ROR1: variants seen among roughly 807,000 people sequenced by gnomAD.
The protein encoded by ROR1 is inactive tyrosine-protein kinase transmembrane receptor ROR1.
ROR1 carries 19 observed loss-of-function variants against 78.8 expected under a neutral mutation model. That is an observed-to-expected ratio of 0.24 (90% confidence interval 0.17 to 0.35). The LOEUF (loss-of-function observed/expected upper bound fraction) is 0.35, where lower values mean the gene tolerates loss of function less well. ROR1 is among the 10% of genes least tolerant of loss of function. ROR1 has a pLI of 1.00. For missense variants in ROR1, 917 were observed against 1,177.8 expected (o/e 0.78, Z 3.24); for synonymous variants, 386 against 433.6 (o/e 0.89, Z 1.36).
chr1:64,119,848 G>A (rs1486548293), intron 4 of ROR1, among the ~76,000 whole-genome samples: 1 of 152,150 alleles, frequency 6.6e-6, no homozygotes, highest in East Asian at 1.9e-4. Context: ...GGGTAAGAAA[G>A]GGCAGAGCTA....
At chr1:63,860,283 G>A (rs1469434053) in intron 1 of ROR1, among the ~76,000 whole-genome samples, 1 of 152,096 alleles carries the variant, frequency 6.6e-6, no homozygotes, top group Non-Finnish European at 1.5e-5. Flanking sequence ...TGTGTGGGAA[G>A]GTGGTTAACT....
intron 1 of ROR1, among the ~76,000 whole-genome samples, chr1:63,998,877 C>T (rs1190490671): frequency 2.0e-5 from 3 of 152,088 alleles, no homozygotes; most frequent in Admixed American, 6.6e-5. Flanking sequence ...ATCGTGGGGA[C>T]GGTTTCCCCT....
chr1:64,128,446 G>A (rs1340599572), intron 4 of ROR1, among the ~76,000 whole-genome samples: 1 of 152,126 alleles, frequency 6.6e-6, no homozygotes, highest in Admixed American at 6.5e-5. Flanking sequence ...TCCAGCCTAG[G>A]TGACAGAGTG....
At chr1:64,122,489 G>C (rs1185524583) in intron 4 of ROR1, among the ~76,000 whole-genome samples, 1 of 152,192 alleles carries the variant, frequency 6.6e-6, no homozygotes, top group Non-Finnish European at 1.5e-5. Flanking sequence ...TCCTTCAGCA[G>C]TCATGTACTG....
intron 4 of ROR1, among the ~76,000 whole-genome samples, chr1:64,053,821 T>C (rs1049636982): frequency 6.6e-6 from 1 of 152,344 alleles, no homozygotes; most frequent in East Asian, 1.9e-4. Flanking sequence ...TATATATTAG[T>C]TCCATAAAAA....
intron 1 of ROR1, among the ~76,000 whole-genome samples, chr1:63,891,462 G>T (rs1047971186): frequency 6.6e-6 from 1 of 152,176 alleles, no homozygotes; most frequent in Non-Finnish European, 1.5e-5. Context: ...GCAGGTGTGA[G>T]CGGTTGCCTA....
intron 1 of ROR1, among the ~76,000 whole-genome samples, chr1:63,783,922 A>C (rs1334054715): frequency 6.6e-6 from 1 of 152,188 alleles, no homozygotes; most frequent in Non-Finnish European, 1.5e-5. Context: ...CAGAGAAGTA[A>C]GTAACCTGCC....
Position 63,915,757 on chromosome 1 carries a change from GGGGGT to G in ROR1, c.92-93535_92-93531del, listed in dbSNP as rs1225686908. Reference sequence around the variant, plus strand: ...TTTGATTTTGCCAGAAAGATTGGCAGGGGGTGGGGTGGGGTGGATGCATGTGAAGC... The same window carrying G: ...TTTGATTTTGCCAGAAAGATTGGCAGGGGGTGGGGTGGATGCATGTGAAGC... On this transcript the variant is annotated intron_variant, in intron 1 of 8. Transcript: ENST00000371079. Among the ~76,000 whole-genome samples, 4 of 152,204 alleles carry G rather than the reference GGGGGT, an allele frequency of 2.6e-5. No individual in the cohort carries two copies. The South Asian group carries it at 8.3e-4, about 32-fold the overall frequency.
At chr1:64,108,670 A>G (rs747289851) in intron 4 of ROR1, among the ~76,000 whole-genome samples, 39 of 152,160 alleles carry the variant, frequency 2.6e-4, no homozygotes, top group Middle Eastern at 3.4e-3. Context: ...CACACACACC[A>G]ATACAACATT....
At chr1:63,925,951 C>G (rs1289922622) in intron 1 of ROR1, among the ~76,000 whole-genome samples, 1 of 150,004 alleles carries the variant, frequency 6.7e-6, no homozygotes, top group African/African-American at 2.5e-5. Flanking sequence ...AAATTTTCTC[C>G]CATTCTGTAG....
chr1:63,861,032 C>G (rs1247553322), intron 1 of ROR1, among the ~76,000 whole-genome samples: 1 of 152,056 alleles, frequency 6.6e-6, no homozygotes, highest in Admixed American at 6.6e-5. Flanking sequence ...TTCTGTTTTG[C>G]CTGATGGAGT....
Position 63,860,588 on chromosome 1 carries a change from C to CACACACACACAT in ROR1, c.91+86091_91+86092insTACACACACACA, listed in dbSNP as rs1553138049. On this transcript the variant is annotated intron_variant, in intron 1 of 8. Coordinates refer to ENST00000371079, the MANE Select transcript of ROR1 (RefSeq NM_005012.4). ...ACACACACACACACACACACACACA[C>CACACACACACAT]ACACACACACACACACATACACACA... Among the ~76,000 whole-genome samples the CACACACACACAT allele has an allele frequency of 6.7e-3, 981 of 145,524 alleles. 7 individuals are homozygous for CACACACACACAT. The highest frequency in any genetic ancestry group is 0.016 in the South Asian group (69 of 4,422).
At chr1:63,863,023 A>G (rs1341088830) in intron 1 of ROR1, among the ~76,000 whole-genome samples, 3 of 152,140 alleles carry the variant, frequency 2.0e-5, no homozygotes, top group African/African-American at 7.2e-5. Context: ...TTGTTTTAGA[A>G]AAGTTAGATG....
At chr1:63,831,665 A>C (rs1644989871) in intron 1 of ROR1, among the ~76,000 whole-genome samples, 2 of 152,148 alleles carry the variant, frequency 1.3e-5, no homozygotes, top group South Asian at 4.1e-4. Context: ...TGCCATGAAG[A>C]TCTCTGAATT....
chr1:63,786,122 G>C (rs1157488875), intron 1 of ROR1, among the ~76,000 whole-genome samples: 1 of 151,986 alleles, frequency 6.6e-6, no homozygotes, highest in Non-Finnish European at 1.5e-5. Context: ...ACTGTGCTCC[G>C]GGCCTCTGCA....
intron 1 of ROR1, among the ~76,000 whole-genome samples, chr1:64,008,611 C>G (rs1254628868): frequency 6.6e-6 from 1 of 152,042 alleles, no homozygotes; most frequent in Non-Finnish European, 1.5e-5. Flanking sequence ...TCTCTGCATC[C>G]TTGCCAGCAT....
chr1:63,968,154 C>A (rs544119250), intron 1 of ROR1, among the ~76,000 whole-genome samples: 1 of 152,218 alleles, frequency 6.6e-6, no homozygotes, highest in South Asian at 2.1e-4. Context: ...AGCTAGTCAT[C>A]CACTTTTAGG....
chr1:63,813,124 T>G (rs1171350607), intron 1 of ROR1, among the ~76,000 whole-genome samples: 1 of 152,178 alleles, frequency 6.6e-6, no homozygotes, highest in Non-Finnish European at 1.5e-5. Flanking sequence ...TAGAAAACTG[T>G]GAAGTTACTC....
chr1:63,977,139 A>C (rs1447493272), intron 1 of ROR1, among the ~76,000 whole-genome samples: 1 of 152,168 alleles, frequency 6.6e-6, no homozygotes, highest in Non-Finnish European at 1.5e-5. Context: ...AACAGCATGG[A>C]GGTAATTGCC....
Sources: allele counts gnomAD v4.1 joint callset (sites outside exome capture counted in the v4.1 genomes callset), GRCh38; gene constraint gnomAD v4.1.1; transcripts MANE v1.5; gene names NCBI Gene and HGNC (gene_info 2026-07-23, HGNC 2026-07-21).